XPO1: variants seen among roughly 807,000 people sequenced by gnomAD.
XPO1 encodes exportin 1, also known as exportin-1.
Under a neutral mutation model 133.3 loss-of-function variants are expected in XPO1, and 5 were observed. That is an observed-to-expected ratio of 0.04 (90% CI 0.02 to 0.08). The LOEUF is 0.08. Ranked by LOEUF, XPO1 falls within the 10% of genes least tolerant of loss-of-function variation. The pLI is 1.00. For missense variants in XPO1, 506 were observed against 1,267.5 expected (o/e 0.40, Z 9.12); for synonymous variants, 419 against 408.2 (o/e 1.03, Z -0.32).
At chr2:61,510,594 A>G (rs1393723868) in intron 4 of XPO1, among the ~76,000 whole-genome samples, 1 of 152,176 alleles carries the variant, frequency 6.6e-6, no homozygotes, top group African/African-American at 2.4e-5. Flanking sequence ...AAAAATCTAA[A>G]AGATTAAAAT....
chr2:61,480,916 T>C (rs1186929997), intron 24 of XPO1, among the ~76,000 whole-genome samples: 1 of 152,326 alleles, frequency 6.6e-6, no homozygotes, highest in East Asian at 1.9e-4. Flanking sequence ...TTACCCAATA[T>C]TCCATTATAC....
chr2:61,533,930 C>T, intron 1 of XPO1, 27 bp from the exon 2 acceptor site: 1 of 1,497,398 alleles, frequency 6.7e-7, no homozygotes, highest in Non-Finnish European at 8.9e-7. Flanking sequence ...AAAATTGAAG[C>T]TGCCTATCAA....
At chr2:61,485,593 A>G in intron 20 of XPO1, 175 bp downstream of exon 20, 1 of 578,284 alleles carries the variant, frequency 1.7e-6, no homozygotes, top group South Asian at 3.1e-5. Flanking sequence ...GGTTGGTTTC[A>G]AACTCCTGGG....
chr2:61,483,721 A>T (rs1696528274), intron 21 of XPO1: 1 of 499,596 alleles, frequency 2.0e-6, no homozygotes, highest in Non-Finnish European at 3.5e-6. Context: ...ACCAATTATT[A>T]CTAGGCCGCT....
Position 61,492,559 on chromosome 2 carries a change from T to A in XPO1, c.1566+8A>T. 2 of 1,608,390 alleles carry A rather than the reference T, an allele frequency of 1.2e-6. No individual in the cohort carries two copies. The highest frequency in any genetic ancestry group is 1.7e-6 in the Non-Finnish European group (2 of 1,178,200). ...AGCAATTCTAATTCATACCTATCCCTTGCATACCTTTATAACAGTAACAAG... is the reference window on the plus strand; with the variant it reads ...AGCAATTCTAATTCATACCTATCCCATGCATACCTTTATAACAGTAACAAG... On this transcript the variant is annotated splice_region_variant and intron_variant, in intron 14 of 24. Coordinates refer to ENST00000401558, the MANE Select transcript of XPO1 (RefSeq NM_003400.4). The surrounding 1 kb of genome is among the most constrained non-coding windows in gnomAD (Gnocchi z 5.6).
At chr2:61,529,738 C>T (rs908004738) in intron 2 of XPO1, among the ~76,000 whole-genome samples, 2 of 151,892 alleles carry the variant, frequency 1.3e-5, no homozygotes, top group East Asian at 3.8e-4. Flanking sequence ...ATGACCTTTT[C>T]CTCAGGTAGG....
chr2:61,526,160 T>C, intron 3 of XPO1: 1 of 1,276,650 alleles, frequency 7.8e-7, no homozygotes, highest in Non-Finnish European at 9.9e-7. Flanking sequence ...TAGACCTGTA[T>C]ACATATACTA....
At chr2:61,513,553 G>C (rs1698203651) in intron 4 of XPO1, among the ~76,000 whole-genome samples, 2 of 151,016 alleles carry the variant, frequency 1.3e-5, no homozygotes, top group Admixed American at 1.3e-4. Context: ...TCGAACTGCT[G>C]ACCTCAAGAG....
chr2:61,488,468 T>C, intron 18 of XPO1, 120 bp downstream of exon 18: 2 of 1,194,558 alleles, frequency 1.7e-6, no homozygotes, highest in Non-Finnish European at 2.4e-6. Flanking sequence ...ATGTCTAGGG[T>C]CATTTGGGAA....
chr2:61,522,492 A>G (rs1384870681), intron 4 of XPO1, 119 bp downstream of exon 4: 6 of 826,066 alleles, frequency 7.3e-6, no homozygotes, highest in East Asian at 2.6e-5. Context: ...GATAAAAGCA[A>G]TAAGCTCCAT....
At chr2:61,511,249 G>C (rs1698083270) in intron 4 of XPO1, among the ~76,000 whole-genome samples, 1 of 152,030 alleles carries the variant, frequency 6.6e-6, no homozygotes, top group African/African-American at 2.4e-5. Context: ...TCAGCCTTCA[G>C]AGTAGCAGGG....
chr2:61,483,791 A>G, intron 21 of XPO1, 146 bp downstream of exon 21: 1 of 900,564 alleles, frequency 1.1e-6, no homozygotes, highest in Admixed American at 2.9e-5. Context: ...CAGTTGATTA[A>G]ACTGCTTATA....
At chr2:61,517,313 T>C (rs905735379) in intron 4 of XPO1, among the ~76,000 whole-genome samples, 24 of 151,750 alleles carry the variant, frequency 1.6e-4, no homozygotes, top group Admixed American at 1.6e-3. Flanking sequence ...TGGCTAGGAG[T>C]GGTGATATAC....
chr2:61,512,781 A>C (rs986389075), intron 4 of XPO1, among the ~76,000 whole-genome samples: 2 of 152,182 alleles, frequency 1.3e-5, no homozygotes, highest in Non-Finnish European at 2.9e-5. Context: ...GGTAGCTCAC[A>C]CATAATCCCA....
At chr2:61,505,877 T>C (rs6545873) in intron 4 of XPO1, among the ~76,000 whole-genome samples, 93,978 of 152,098 alleles carry the variant, frequency 0.62, 29,113 homozygotes, top group Middle Eastern at 0.7. Context: ...ATACTGTATA[T>C]ATTTTACTTC....
rs1699410500 is a variant in XPO1, at chr2:61,537,602, GA to G, written c.-48del. On this transcript the variant is annotated 5_prime_UTR_variant, in exon 1 of 25. Transcript: ENST00000401558. ...ACTGCTCCTTCCTTCCTCGTTGGGGGATTAGGGCGAGGGAAGGTGGGGAGGG... is the reference window on the plus strand; with the variant it reads ...ACTGCTCCTTCCTTCCTCGTTGGGGGTTAGGGCGAGGGAAGGTGGGGAGGG... 6.6e-6 allele frequency: 1 copy of G among 151,812 alleles called. No homozygotes were observed. The highest frequency in any genetic ancestry group is 2.4e-5 in the African/African-American group (1 of 41,366). The allele number at this position is 151,812 out of a possible 1,614,324, so 9.4% of individuals were successfully genotyped here.
chr2:61,485,481 C>G (rs370552564), intron 20 of XPO1: 8 of 166,880 alleles, frequency 4.8e-5, no homozygotes, highest in South Asian at 2.0e-4. Context: ...TGACCCCCCC[C>G]CCCACTTCAG....
intron 4 of XPO1, among the ~76,000 whole-genome samples, chr2:61,505,836 G>C (rs924356369): frequency 6.6e-6 from 1 of 152,064 alleles, no homozygotes; most frequent in African/African-American, 2.4e-5. Flanking sequence ...GGGATTACAT[G>C]AGCCACCGCG....
Position 61,500,223 on chromosome 2 carries a change from C to T in XPO1, c.409-329G>A, listed in dbSNP as rs1697436036. Among the ~76,000 whole-genome samples, 3 of 152,034 alleles carry T rather than the reference C, an allele frequency of 2.0e-5. No homozygotes were observed. The South Asian group carries it at 6.2e-4, about 32-fold the overall frequency. ...GGAGGCCTTGCGCGGTTGCTCATGC[C>T]TGTAATCCCAGCACTTTGTGGGGAG... On this transcript the variant is annotated intron_variant, in intron 6 of 24. Coordinates refer to ENST00000401558, the MANE Select transcript of XPO1 (RefSeq NM_003400.4).
Sources: gnomAD v4.1 joint callset for allele counts (sites outside exome capture counted in the v4.1 genomes callset) on GRCh38, gnomAD v4.1.1 for gene constraint, Gnocchi (gnomAD v3.1) non-coding constraint, MANE v1.5 for transcripts, NCBI Gene and HGNC (gene_info 2026-07-23, HGNC 2026-07-21) for gene names.